Variants in FMN2 observed in about 807,000 individuals in gnomAD.
FMN2 encodes formin-2.
In FMN2, 51 loss-of-function variants were observed where a neutral mutation model predicts 142.3. The ratio of observed to expected loss-of-function variants is 0.36; its 90% confidence interval spans 0.29 to 0.45. FMN2 has a LOEUF of 0.45. FMN2 is among the 20% of genes least tolerant of loss of function. The pLI is 1.00. For synonymous variants in FMN2, 882 were observed against 869.8 expected, an observed-to-expected ratio of 1.01 and a Z score of -0.25; for missense variants, 1,936 against 2,122.8, an observed-to-expected ratio of 0.91 and a Z score of 1.73.
chr1:240,196,563 G>C (rs1665918424), intron 4 of FMN2, among the ~76,000 whole-genome samples: 1 of 152,134 alleles, frequency 6.6e-6, no homozygotes, highest in African/African-American at 2.4e-5. Flanking sequence ...CCAGGCTGGA[G>C]TGCAATGGCA....
intron 15 of FMN2, among the ~76,000 whole-genome samples, chr1:240,414,523 G>A (rs543705690): frequency 2.6e-5 from 4 of 152,246 alleles, no homozygotes; most frequent in African/African-American, 9.6e-5. Flanking sequence ...ATAAAATATT[G>A]GCATTTGTAG....
intron 3 of FMN2, among the ~76,000 whole-genome samples, chr1:240,185,059 C>CT (rs1181927368): frequency 1.2e-4 from 17 of 138,908 alleles, no homozygotes; most frequent in South Asian, 2.3e-4. Context: ...CCTCCTATAC[C>CT]TTCCCCTTCT....
At chr1:240,459,750 A>AAAAAAAAAAAAAAAAG (rs1676384171) in intron 16 of FMN2, among the ~76,000 whole-genome samples, 1 of 115,072 alleles carries the variant, frequency 8.7e-6, no homozygotes, top group Non-Finnish European at 1.8e-5. Context: ...AAAAAAAAAA[A>AAAAAAAAAAAAAAAAG]AAAAAGATTG....
intron 6 of FMN2, among the ~76,000 whole-genome samples, chr1:240,239,032 C>CT (rs1667802321): frequency 1.3e-5 from 2 of 152,092 alleles, no homozygotes; most frequent in African/African-American, 4.8e-5. Flanking sequence ...ATACAATGAT[C>CT]TGAGTGATAG....
chr1:240,472,598 C>A, intron 17 of FMN2, 145 bp downstream of exon 17: 1 of 550,076 alleles, frequency 1.8e-6, no homozygotes, highest in Non-Finnish European at 3.1e-6. Flanking sequence ...TCTCCTTTTT[C>A]TTATGCCTTT....
chr1:240,270,335 T>C (rs1668958058), intron 7 of FMN2, among the ~76,000 whole-genome samples: 1 of 152,072 alleles, frequency 6.6e-6, no homozygotes, highest in African/African-American at 2.4e-5. Flanking sequence ...TGTGAAGATT[T>C]CTCAAAAAAT....
At chr1:240,262,012 G>A (rs1241969315) in intron 7 of FMN2, among the ~76,000 whole-genome samples, 2 of 152,096 alleles carry the variant, frequency 1.3e-5, no homozygotes, top group Non-Finnish European at 2.9e-5. Flanking sequence ...GGGGGCTGTA[G>A]GAGGGTCCCT....
At chr1:240,404,449 G>C (rs1674084863) in intron 15 of FMN2, among the ~76,000 whole-genome samples, 1 of 152,190 alleles carries the variant, frequency 6.6e-6, no homozygotes, top group Non-Finnish European at 1.5e-5. Flanking sequence ...AAGTGACATG[G>C]AATGTCTTTG....
chr1:240,286,991 G>A (rs1023167557), intron 7 of FMN2, among the ~76,000 whole-genome samples: 2 of 152,154 alleles, frequency 1.3e-5, no homozygotes, highest in South Asian at 2.1e-4. Context: ...AGATGGGGGA[G>A]TGTGTATAAC....
chr1:240,121,735 TAAA>T (rs71168898), intron 1 of FMN2, among the ~76,000 whole-genome samples: 987 of 25,562 alleles, frequency 0.039, 10 homozygotes, highest in African/African-American at 0.11. Flanking sequence ...AGGGAAATAG[TAAA>T]AAAAAAAAAA....
intron 17 of FMN2, 39 bp downstream of exon 17, chr1:240,472,492 C>A (rs762442192): frequency 9.8e-6 from 13 of 1,328,470 alleles, no homozygotes; most frequent in Non-Finnish European, 1.3e-5. Context: ...TTTTCTTTGG[C>A]TTTTAAATCC....
At chr1:240,241,825 C>CTTCTTTTTTTTTTTT (rs1667908718) in intron 6 of FMN2, among the ~76,000 whole-genome samples, 2 of 96,202 alleles carry the variant, frequency 2.1e-5, no homozygotes, top group Non-Finnish European at 4.3e-5. Context: ...GTGTGCCTTG[C>CTTCTTTTTTTTTTTT]TTTTTTTTTT....
rs559613367 is a variant in FMN2 at position 240,093,879 on chromosome 1, C to CT, written c.1615+155_1615+156insT. The stretch of plus-strand genomic sequence containing the variant: ...ATCCTTTTCCGCCCAGCGAGCTCAC[C>CT]CCCCACGGTGAAATGACTTGGACAT... On this transcript the variant is annotated intron_variant, in intron 1 of 17. Transcript: ENST00000319653. Among the ~76,000 whole-genome samples, 173 of 152,344 alleles carry CT rather than the reference C, an allele frequency of 1.1e-3. 3 individuals are homozygous for CT. The South Asian group carries it at 0.027, about 24-fold the overall frequency.
chr1:240,264,554 T>A (rs1397978449), intron 7 of FMN2, among the ~76,000 whole-genome samples: 1 of 152,020 alleles, frequency 6.6e-6, no homozygotes, highest in Non-Finnish European at 1.5e-5. Flanking sequence ...CTGACAGGTC[T>A]TGGTGTGTGA....
In FMN2 at chr1:240,092,100, G is replaced by A; in HGVS notation, c.-10G>A. Reference sequence around the variant, plus strand: ...CCCGCGGCGCGGCGGCGCAGCAGCGGGATTGCACCATGGGGAACCAGGATG... The same window carrying A: ...CCCGCGGCGCGGCGGCGCAGCAGCGAGATTGCACCATGGGGAACCAGGATG... On this transcript the variant is annotated 5_prime_UTR_variant, in exon 1 of 18. Transcript: ENST00000319653. 2 of 1,546,238 alleles carry A rather than the reference G, an allele frequency of 1.3e-6. No homozygotes were observed. Among genetic ancestry groups the A allele is most frequent in the African/African-American group, 2.7e-5 (2 of 73,314 alleles).
chr1:240,242,200 G>C (rs1667937278), intron 6 of FMN2, among the ~76,000 whole-genome samples: 1 of 152,052 alleles, frequency 6.6e-6, no homozygotes, highest in East Asian at 1.9e-4. Context: ...TTACCAAATC[G>C]CTTTTATATA....
intron 6 of FMN2, among the ~76,000 whole-genome samples, chr1:240,232,707 T>C (rs1186177302): frequency 1.3e-5 from 2 of 152,194 alleles, no homozygotes; most frequent in Non-Finnish European, 2.9e-5. Flanking sequence ...GCCCTCTTTT[T>C]TTCTTAATCC....
At chr1:240,254,772 G>A (rs10047105) in intron 6 of FMN2, among the ~76,000 whole-genome samples, 42 of 152,262 alleles carry the variant, frequency 2.8e-4, no homozygotes, top group Middle Eastern at 3.4e-3. Context: ...CAGCAGGGTC[G>A]TTGGCAAAGG....
At chr1:240,435,999 A>G (rs1675354360) in intron 15 of FMN2, among the ~76,000 whole-genome samples, 1 of 152,232 alleles carries the variant, frequency 6.6e-6, no homozygotes, top group South Asian at 2.1e-4. Flanking sequence ...GTATATAAGG[A>G]AAATGACCAG....
Sources: allele counts gnomAD v4.1 joint callset (sites outside exome capture counted in the v4.1 genomes callset), GRCh38; gene constraint gnomAD v4.1.1; transcripts MANE v1.5; gene names NCBI Gene and HGNC (gene_info 2026-07-23, HGNC 2026-07-21).